Variants in DOCK1 observed in about 807,000 individuals in gnomAD.
DOCK1 encodes dedicator of cytokinesis protein 1.
Under a neutral mutation model 262.7 loss-of-function variants are expected in DOCK1, and 138 were observed. The observed-to-expected ratio is 0.53, with a 90% CI of 0.46 to 0.61. The LOEUF (loss-of-function observed/expected upper bound fraction) is 0.61, where lower values mean the gene tolerates loss of function less well. DOCK1 is among the 20% of genes least tolerant of loss of function. The probability of loss-of-function intolerance (pLI) is 0.00; values close to 1 mark genes in which losing one functional copy is unlikely to be tolerated. For missense variants in DOCK1, 1,908 were observed against 2,370.7 expected (o/e 0.80, Z 4.05); for synonymous variants, 866 against 867.4 (o/e 1.00, Z 0.03).
chr10:127,419,261 G>A (rs1338546655), intron 45 of DOCK1, among the ~76,000 whole-genome samples: 1 of 152,216 alleles, frequency 6.6e-6, no homozygotes, highest in Non-Finnish European at 1.5e-5. Flanking sequence ...AGGCTGCGAG[G>A]AGATGATTAC....
chr10:127,380,004 A>ATCTTGAATTTTTAT, intron 35 of DOCK1, 78 bp from the exon 36 acceptor site: 1 of 986,248 alleles, frequency 1.0e-6, no homozygotes, highest in Admixed American at 2.1e-5. Flanking sequence ...AAGATGAAGT[A>ATCTTGAATTTTTAT]TCTTGAATTT....
intron 25 of DOCK1, among the ~76,000 whole-genome samples, chr10:127,118,496 C>T (rs2049327615): frequency 6.6e-6 from 1 of 152,216 alleles, no homozygotes; most frequent in Non-Finnish European, 1.5e-5. Flanking sequence ...CACTGCCTTC[C>T]TTTAAAGGAT....
chr10:127,137,774 A>T (rs1233641023), intron 27 of DOCK1: 3 of 1,457,412 alleles, frequency 2.1e-6, no homozygotes, highest in Non-Finnish European at 2.8e-6. Context: ...CATTTTGGAA[A>T]AGTATTGACT....
chr10:127,334,375 G>C (rs1017377288), intron 29 of DOCK1, among the ~76,000 whole-genome samples: 1 of 152,218 alleles, frequency 6.6e-6, no homozygotes, highest in African/African-American at 2.4e-5. Context: ...AAATGTCCAG[G>C]ATAGGAAAGC....
Position 126,905,496 on chromosome 10 carries a change from C to T in DOCK1, c.-22C>T. 1 of 534,666 alleles carries T rather than the reference C, an allele frequency of 1.9e-6. No homozygotes were observed. The allele number at this position is 534,666 out of a possible 1,614,324, so 33.1% of individuals were successfully genotyped here. ...CTAGACGCGGAGTTTCCTGCCCGAC[C>T]CGCGGCGGCTCCGGCGGCGCCATGA... On this transcript the variant is annotated 5_prime_UTR_variant, in exon 1 of 52. Coordinates refer to ENST00000623213, the MANE Select transcript of DOCK1 (RefSeq NM_001290223.2).
At chr10:127,416,424 G>A (rs946698760) in intron 44 of DOCK1, among the ~76,000 whole-genome samples, 46 of 152,192 alleles carry the variant, frequency 3.0e-4, no homozygotes, top group African/African-American at 1.1e-3. Flanking sequence ...CTCTGCCCAT[G>A]AGCCCTTTGT....
intron 27 of DOCK1, among the ~76,000 whole-genome samples, chr10:127,219,815 A>G (rs187459041): frequency 3.2e-4 from 49 of 151,992 alleles, no homozygotes; most frequent in Non-Finnish European, 6.9e-4. Context: ...CCTACACTCT[A>G]TCCCATCCCC....
intron 10 of DOCK1, among the ~76,000 whole-genome samples, chr10:127,006,209 C>T (rs1273117429): frequency 1.3e-5 from 2 of 152,186 alleles, no homozygotes; most frequent in Non-Finnish European, 2.9e-5. Flanking sequence ...GCAGCCCCAC[C>T]AGTGGGACTG....
intron 35 of DOCK1, 98 bp from the exon 36 acceptor site, chr10:127,379,984 T>C (rs2134092495): frequency 1.2e-6 from 1 of 833,838 alleles, no homozygotes; most frequent in Non-Finnish European, 2.0e-6. Context: ...CATTTGGCTG[T>C]GTTTGACACA....
intron 27 of DOCK1, among the ~76,000 whole-genome samples, chr10:127,152,779 G>A (rs2052632757): frequency 6.6e-6 from 1 of 152,222 alleles, no homozygotes; most frequent in Non-Finnish European, 1.5e-5. Flanking sequence ...ATGTGCTGAT[G>A]TGGCCTTCGG....
chr10:127,017,540 CACAG>C (rs1380949387), intron 12 of DOCK1, among the ~76,000 whole-genome samples: 1 of 125,464 alleles, frequency 8.0e-6, no homozygotes, highest in East Asian at 2.3e-4. Flanking sequence ...CACATGGACA[CACAG>C]ACACACACAC....
intron 27 of DOCK1, among the ~76,000 whole-genome samples, chr10:127,217,058 G>A (rs1200303259): frequency 2.6e-5 from 4 of 152,154 alleles, no homozygotes; most frequent in South Asian, 2.1e-4. Flanking sequence ...GAGAGGGAAG[G>A]AAAGGAGGAG....
In DOCK1 at chr10:127,023,293, C is replaced by G; in HGVS notation, c.1421C>G (p.Ser474Cys). The G allele has an allele frequency of 3.1e-6, 5 of 1,613,176 alleles. No individual in the cohort carries two copies. The highest frequency in any genetic ancestry group is 4.2e-6 in the Non-Finnish European group (5 of 1,179,672). Residue 474 changes from serine to cysteine, a missense_variant, in exon 14 of 52, where the codon TCT becomes TGT. Physicochemically the swap from Ser to Cys is moderately radical, Grantham distance 112. Transcript: ENST00000623213. ...TTAKNVEVTV[S>C]VYDEDGKRLE... The stretch of plus-strand genomic sequence containing the variant: ...GCGAAGAACGTGGAGGTCACGGTGT[C>G]TGTGTACGATGAGGATGGGAAACGA...
intron 7 of DOCK1, 131 bp from the exon 8 acceptor site, chr10:126,997,961 T>G (rs2040328842): frequency 1.7e-5 from 20 of 1,172,856 alleles, no homozygotes; most frequent in Non-Finnish European, 2.0e-5. Context: ...GATAAGAAAG[T>G]GACTGCACCA....
intron 18 of DOCK1, among the ~76,000 whole-genome samples, chr10:127,034,946 C>G (rs555014900): frequency 8.3e-4 from 127 of 152,332 alleles, no homozygotes; most frequent in African/African-American, 3.0e-3. Context: ...CTCCTTAAGT[C>G]TCACCAGCTG....
At position 126,999,305 on chromosome 10, in the gene DOCK1, A is replaced by G. The variant is rs1438800294; in HGVS notation, c.768-49A>G. 33 of 1,442,556 alleles carry G rather than the reference A, an allele frequency of 2.3e-5. No individual in the cohort carries two copies. In the Admixed American group the frequency reaches 5.8e-4, roughly 25 times the overall value. 89.4% of individuals were successfully genotyped at this position (1,442,556 alleles called of 1,614,324 possible). A position where few individuals can be genotyped will look rare whatever the true frequency, so the allele number is the denominator to read the frequency against. On this transcript the variant is annotated intron_variant, in intron 8 of 51. Coordinates refer to ENST00000623213, the MANE Select transcript of DOCK1 (RefSeq NM_001290223.2). ...GAAGCAATGTGGATGTACATTTGGT[A>G]CCCTGTTATTTGGAAAATTAACTTG...
intron 23 of DOCK1, among the ~76,000 whole-genome samples, chr10:127,091,186 T>C (rs149344231): frequency 9.3e-4 from 141 of 152,244 alleles, no homozygotes; most frequent in African/African-American, 3.2e-3. Context: ...GGTTTCACCA[T>C]GTTAGCCAGG....
intron 46 of DOCK1, among the ~76,000 whole-genome samples, chr10:127,423,748 A>G (rs1482703848): frequency 6.6e-6 from 1 of 152,154 alleles, no homozygotes; most frequent in Non-Finnish European, 1.5e-5. Context: ...GCATTAAGCA[A>G]GGCTTCCAGA....
chr10:127,125,956 A>G (rs997527942), intron 26 of DOCK1, among the ~76,000 whole-genome samples: 1 of 152,112 alleles, frequency 6.6e-6, no homozygotes, highest in Non-Finnish European at 1.5e-5. Context: ...TACATGCACA[A>G]AGTTAAAAAT....
Sources: gnomAD v4.1 joint callset for allele counts (sites outside exome capture counted in the v4.1 genomes callset) on GRCh38, gnomAD v4.1.1 for gene constraint, MANE v1.5 for transcripts, NCBI Gene and HGNC (gene_info 2026-07-23, HGNC 2026-07-21) for gene names.